Variants in DCAF8L2 observed in about 807,000 individuals in gnomAD.
The protein encoded by DCAF8L2 is DDB1 and CUL4 associated factor 8 like 2.
For missense variants in DCAF8L2, 430 were observed against 490.7 expected (o/e 0.88, Z 1.17); for synonymous variants, 200 against 190.9 (o/e 1.05, Z -0.39).
chrX:27,550,997 T>G, the DCAF8L2 span, among the ~76,000 whole-genome samples: 1 of 110,448 alleles, frequency 9.1e-6, no homozygotes. Context: ...TCATTTGTCT[T>G]TGATGTTACT....
intron 3 of DCAF8L2, among the ~76,000 whole-genome samples, chrX:27,686,001 A>T (rs1365197797): frequency 8.9e-6 from 1 of 111,982 alleles, no homozygotes; most frequent in East Asian, 2.8e-4. Context: ...ACTAGTAATC[A>T]TCGGGGAAAT....
chrX:27,523,673 AT>A, the DCAF8L2 span, among the ~76,000 whole-genome samples: 1 of 107,751 alleles, frequency 9.3e-6, no homozygotes, highest in African/African-American at 3.4e-5. Context: ...AACATGCAGG[AT>A]TTTTGCATAT....
At chrX:27,608,125 TA>T (rs1269179746) in intron 1 of DCAF8L2, among the ~76,000 whole-genome samples, 1 of 111,633 alleles carries the variant, frequency 9.0e-6, no homozygotes, top group Non-Finnish European at 1.9e-5. Flanking sequence ...GTTAGGTAAA[TA>T]TATAAAGTTA....
At chrX:27,734,205 G>T (rs1339782140) in intron 4 of DCAF8L2, among the ~76,000 whole-genome samples, 1 of 73,123 alleles carries the variant, frequency 1.4e-5, no homozygotes, top group Admixed American at 1.3e-4. Flanking sequence ...GCAAGAAAAA[G>T]AAATTAAACC....
the DCAF8L2 span, among the ~76,000 whole-genome samples, chrX:27,560,105 A>G: frequency 9.1e-6 from 1 of 109,760 alleles, no homozygotes; most frequent in East Asian, 2.9e-4. Flanking sequence ...ATCTCTACTA[A>G]AAATACAAAA....
intron 4 of DCAF8L2, among the ~76,000 whole-genome samples, chrX:27,723,347 T>C (rs767044724): frequency 1.8e-5 from 2 of 110,483 alleles, no homozygotes; most frequent in South Asian, 7.6e-4. Context: ...AAGACTAACC[T>C]GCTTAATGAA....
At chrX:27,699,618 T>C (rs1250611076) in intron 3 of DCAF8L2, among the ~76,000 whole-genome samples, 1 of 111,494 alleles carries the variant, frequency 9.0e-6, no homozygotes, top group African/African-American at 3.3e-5. Context: ...TCAAGCGAAG[T>C]GGTAGCATCA....
chrX:27,739,253 C>CT (rs1921719260), intron 4 of DCAF8L2, among the ~76,000 whole-genome samples: 2 of 111,041 alleles, frequency 1.8e-5, no homozygotes, highest in Non-Finnish European at 3.8e-5. Context: ...CCTGGCCAAG[C>CT]TTTTTTCTCA....
chrX:27,533,144 A>AAGAGAG, the DCAF8L2 span, among the ~76,000 whole-genome samples: 5 of 23,665 alleles, frequency 2.1e-4, no homozygotes, highest in Non-Finnish European at 4.4e-4. Flanking sequence ...GGAAGGAAGA[A>AAGAGAG]AGAGAGAGAG....
intron 2 of DCAF8L2, among the ~76,000 whole-genome samples, chrX:27,660,640 G>A (rs1490921390): frequency 1.8e-5 from 2 of 112,128 alleles, no homozygotes; most frequent in South Asian, 3.7e-4. Flanking sequence ...GTTAGTGCAC[G>A]TGGGCACTGG....
intron 1 of DCAF8L2, among the ~76,000 whole-genome samples, chrX:27,624,972 T>C (rs1353168991): frequency 4.5e-5 from 5 of 111,901 alleles, no homozygotes; most frequent in Non-Finnish European, 9.4e-5. Context: ...CCAAAAGCAA[T>C]TGTGACAAAA....
chrX:27,510,892 C>A, the DCAF8L2 span, among the ~76,000 whole-genome samples: 1 of 111,460 alleles, frequency 9.0e-6, no homozygotes. Context: ...TATTATACTT[C>A]AAGAGTACTA....
chrX:27,636,963 G>A (rs1281306435), intron 2 of DCAF8L2, among the ~76,000 whole-genome samples: 3 of 111,351 alleles, frequency 2.7e-5, no homozygotes, highest in Non-Finnish European at 5.7e-5. Flanking sequence ...TGGCCACTAG[G>A]AGACGAGAAG....
the DCAF8L2 span, chrX:27,517,972 G>T: frequency 4.2e-6 from 5 of 1,183,169 alleles, no homozygotes; most frequent in Non-Finnish European, 5.7e-6. Context: ...GCAGTATGTA[G>T]ACAGCAAAGG....
intron 3 of DCAF8L2, among the ~76,000 whole-genome samples, chrX:27,703,594 G>C (rs1456001318): frequency 9.0e-6 from 1 of 110,937 alleles, no homozygotes; most frequent in Non-Finnish European, 1.9e-5. Flanking sequence ...TTTTTGAAAA[G>C]AGCGCCATGA....
the DCAF8L2 span, among the ~76,000 whole-genome samples, chrX:27,537,236 T>C: frequency 8.9e-6 from 1 of 112,433 alleles, no homozygotes. Context: ...AGGGCACATA[T>C]GAAATCATAA....
chrX:27,521,219 C>G, the DCAF8L2 span, among the ~76,000 whole-genome samples: 1 of 111,987 alleles, frequency 8.9e-6, no homozygotes, highest in Non-Finnish European at 1.9e-5. Flanking sequence ...ATATTTTTGC[C>G]TTATTTCCAA....
At chrX:27,602,113 G>A (rs955118056) in intron 1 of DCAF8L2, among the ~76,000 whole-genome samples, 1 of 111,043 alleles carries the variant, frequency 9.0e-6, no homozygotes, top group African/African-American at 3.3e-5. Flanking sequence ...CTTGAGTGCA[G>A]TAGCGCAAGT....
At chrX:27,679,866 A>G (rs1454530316) in intron 3 of DCAF8L2, among the ~76,000 whole-genome samples, 2 of 111,951 alleles carry the variant, frequency 1.8e-5, no homozygotes, top group East Asian at 5.7e-4. Flanking sequence ...GAGCCCCACT[A>G]AAATGGACAG....
Sources: allele counts gnomAD v4.1 joint callset (sites outside exome capture counted in the v4.1 genomes callset), GRCh38; gene constraint gnomAD v4.1.1; transcripts MANE v1.5; gene names NCBI Gene and HGNC (gene_info 2026-07-23, HGNC 2026-07-21).